Variants in SLC24A2 observed in about 807,000 individuals in gnomAD.
The protein encoded by SLC24A2 is sodium/potassium/calcium exchanger 2.
A neutral mutation model predicts 62.0 loss-of-function variants in SLC24A2; 36 were observed. That is an observed-to-expected ratio of 0.58 (90% CI 0.44 to 0.77). The LOEUF (loss-of-function observed/expected upper bound fraction) is 0.77, where lower values mean the gene tolerates loss of function less well. Among genes scored for constraint, SLC24A2 ranks in the 30% least tolerant of loss-of-function variants. The pLI, the probability that SLC24A2 is intolerant of heterozygous loss-of-function variation, is 0.00. For missense variants in SLC24A2, 846 were observed against 817.9 expected (o/e 1.03, Z -0.42); for synonymous variants, 358 against 294.0 (o/e 1.22, Z -2.23).
At chr9:19,800,189 A>G in the SLC24A2 span, among the ~76,000 whole-genome samples, 7 of 152,188 alleles carry the variant, frequency 4.6e-5, no homozygotes, top group African/African-American at 1.4e-4. Context: ...TCAGGTGGGC[A>G]TGAATGTGGA....
chr9:20,267,396 A>G, the SLC24A2 span, among the ~76,000 whole-genome samples: 13 of 152,318 alleles, frequency 8.5e-5, no homozygotes, highest in South Asian at 2.7e-3. Context: ...CCTTCAGGTC[A>G]GTGAGTTCAG....
chr9:20,099,112 T>C, the SLC24A2 span, among the ~76,000 whole-genome samples: 2 of 152,222 alleles, frequency 1.3e-5, no homozygotes, highest in Non-Finnish European at 2.9e-5. Context: ...TGGAGGAAAC[T>C]AGACATTACC....
the SLC24A2 span, among the ~76,000 whole-genome samples, chr9:19,841,670 C>T: frequency 6.6e-6 from 1 of 152,120 alleles, no homozygotes; most frequent in Non-Finnish European, 1.5e-5. Flanking sequence ...AGTGAGGACA[C>T]TGAATAGGAT....
the SLC24A2 span, among the ~76,000 whole-genome samples, chr9:20,189,963 C>CT: frequency 6.6e-6 from 1 of 152,098 alleles, no homozygotes; most frequent in East Asian, 1.9e-4. Flanking sequence ...CATTCAGACT[C>CT]GAAGACAGCC....
the SLC24A2 span, among the ~76,000 whole-genome samples, chr9:19,958,431 C>T: frequency 1.8e-4 from 27 of 152,220 alleles, no homozygotes; most frequent in African/African-American, 6.3e-4. Context: ...ATTCCTGCAA[C>T]CCAAGCTCCA....
At chr9:19,883,847 A>T in the SLC24A2 span, among the ~76,000 whole-genome samples, 1 of 152,152 alleles carries the variant, frequency 6.6e-6, no homozygotes, top group Middle Eastern at 3.2e-3. Flanking sequence ...TTTTAGATGT[A>T]TCTCTAAGGC....
chr9:20,257,303 A>G, the SLC24A2 span, among the ~76,000 whole-genome samples: 2 of 151,764 alleles, frequency 1.3e-5, no homozygotes, highest in Admixed American at 6.6e-5. Flanking sequence ...TACACTCCAA[A>G]AAACAAGAGA....
At chr9:19,567,674 A>T (rs1460937030) in intron 7 of SLC24A2, among the ~76,000 whole-genome samples, 1 of 139,120 alleles carries the variant, frequency 7.2e-6, no homozygotes. Context: ...AAATGCTAGT[A>T]AATTTTTAAA....
the SLC24A2 span, among the ~76,000 whole-genome samples, chr9:20,167,139 T>C: frequency 2.6e-5 from 4 of 152,026 alleles, no homozygotes; most frequent in Non-Finnish European, 5.9e-5. Flanking sequence ...CAAATGAATG[T>C]TGTAAACACA....
chr9:19,762,360 G>A (rs1822363287), intron 2 of SLC24A2, among the ~76,000 whole-genome samples: 1 of 152,162 alleles, frequency 6.6e-6, no homozygotes, highest in Admixed American at 6.5e-5. Flanking sequence ...TACTTTTGGT[G>A]TTTTAGTCAT....
At chr9:19,910,974 A>T in the SLC24A2 span, among the ~76,000 whole-genome samples, 1 of 150,398 alleles carries the variant, frequency 6.6e-6, no homozygotes, top group Non-Finnish European at 1.5e-5. Flanking sequence ...TGTGCAGGTT[A>T]GTTACATATG....
chr9:19,979,952 ATTGCCTGC>A, the SLC24A2 span, among the ~76,000 whole-genome samples: 1 of 152,210 alleles, frequency 6.6e-6, no homozygotes, highest in Admixed American at 6.5e-5. Flanking sequence ...TTGTAGGTTG[ATTGCCTGC>A]AAAGGACACA....
chr9:19,577,446 C>T (rs1164111786), intron 5 of SLC24A2, among the ~76,000 whole-genome samples: 1 of 152,186 alleles, frequency 6.6e-6, no homozygotes, highest in Non-Finnish European at 1.5e-5. Context: ...AGTTTTCAAA[C>T]ATTTACACTT....
intron 2 of SLC24A2, among the ~76,000 whole-genome samples, chr9:19,781,619 A>G (rs2031741): frequency 0.43 from 66,047 of 151,966 alleles, 15,156 homozygotes; most frequent in Admixed American, 0.52. Context: ...AATAAGGAAA[A>G]TATCACCATG....
chr9:19,545,031 G>C (rs1834481444), intron 8 of SLC24A2, among the ~76,000 whole-genome samples: 1 of 152,078 alleles, frequency 6.6e-6, no homozygotes. Flanking sequence ...TTTCCAACTT[G>C]GTTCCATTCT....
chr9:19,881,660 G>A, the SLC24A2 span, among the ~76,000 whole-genome samples: 3 of 152,172 alleles, frequency 2.0e-5, no homozygotes, highest in Non-Finnish European at 4.4e-5. Context: ...TTAGTGGAAT[G>A]TTAGGCAACA....
At chr9:19,988,575 G>C in the SLC24A2 span, among the ~76,000 whole-genome samples, 1 of 152,162 alleles carries the variant, frequency 6.6e-6, no homozygotes, top group African/African-American at 2.4e-5. Context: ...GCTATGCTTG[G>C]CTAAGAATTA....
the SLC24A2 span, chr9:19,928,476 G>A: frequency 1.3e-5 from 2 of 152,194 alleles, no homozygotes; most frequent in Non-Finnish European, 2.9e-5. Flanking sequence ...GTGACCTTGA[G>A]AAAGTCACTC....
the SLC24A2 span, among the ~76,000 whole-genome samples, chr9:20,121,036 T>G: frequency 1.3e-5 from 2 of 150,428 alleles, no homozygotes; most frequent in Non-Finnish European, 3.0e-5. Flanking sequence ...TTTATAAGTT[T>G]TGAAATTAGG....
Sources: allele counts gnomAD v4.1 joint callset (sites outside exome capture counted in the v4.1 genomes callset), GRCh38; gene constraint gnomAD v4.1.1; transcripts MANE v1.5; gene names NCBI Gene and HGNC (gene_info 2026-07-23, HGNC 2026-07-21).